CCP110: variants seen among roughly 807,000 people sequenced by gnomAD.
The protein encoded by CCP110 is centriolar coiled-coil protein 110.
A neutral mutation model predicts 105.5 loss-of-function variants in CCP110; 43 were observed. The observed-to-expected ratio is 0.41, with a 90% confidence interval of 0.32 to 0.53. CCP110 has a LOEUF of 0.53. Among genes scored for constraint, CCP110 ranks in the 20% least tolerant of loss-of-function variants. The pLI is 0.32. For missense variants in CCP110, 1,016 were observed against 1,189.1 expected (o/e 0.85, Z 2.14); for synonymous variants, 353 against 392.1 (o/e 0.90, Z 1.18).
At chr16:19,528,420 C>T (rs1355443153) in intron 2 of CCP110, among the ~76,000 whole-genome samples, 2 of 152,172 alleles carry the variant, frequency 1.3e-5, no homozygotes, top group Admixed American at 6.5e-5. Flanking sequence ...CAAAGGTTGA[C>T]GAACCACCTA....
exon 4 of CCP110, chr16:19,536,228 T>C (rs919849177): frequency 6.2e-7 from 1 of 1,614,044 alleles, no homozygotes; most frequent in South Asian, 1.1e-5. Flanking sequence ...AAATGAAGCT[T>C]TTCCAAAGAC....
intron 11 of CCP110, 179 bp from the exon 12 acceptor site, chr16:19,546,233 T>C (rs570517131): frequency 1.9e-6 from 1 of 527,350 alleles, no homozygotes; most frequent in African/African-American, 1.9e-5. Flanking sequence ...AATATCTTAA[T>C]AACTTTTTTA....
intron 10 of CCP110, among the ~76,000 whole-genome samples, chr16:19,545,515 G>C (rs1041218649): frequency 3.3e-5 from 5 of 151,990 alleles, no homozygotes; most frequent in Non-Finnish European, 7.4e-5. Context: ...TGTGGGTTTT[G>C]CTTTTTTTGA....
chr16:19,548,664 C>CT lies in CCP110; in HGVS notation c.2986+65dup. On this transcript the variant is annotated intron_variant, in intron 14 of 14. Transcript: ENST00000381396. The surrounding 1 kb of genome is among the most constrained non-coding windows in gnomAD (Gnocchi z 4.1). ...AGGAAGTGCACAAGCTGCCCCATAA[C>CT]TCAGGCCATAGAAGTGGAATAGATT... 1 of 1,016,048 alleles carries CT rather than the reference C, an allele frequency of 9.8e-7. No homozygotes were observed. 62.9% of individuals were successfully genotyped at this position (1,016,048 alleles called of 1,614,324 possible). A position where few individuals can be genotyped will look rare whatever the true frequency, so the allele number is the denominator to read the frequency against.
intron 7 of CCP110, 34 bp from the exon 8 acceptor site, chr16:19,542,844 C>T (rs1970335545): frequency 2.0e-6 from 3 of 1,524,888 alleles, no homozygotes; most frequent in Non-Finnish European, 2.7e-6. Flanking sequence ...TAAATGAACA[C>T]CAATAAACAT....
chr16:19,546,301 G>C, intron 11 of CCP110, 111 bp from the exon 12 acceptor site: 2 of 663,764 alleles, frequency 3.0e-6, no homozygotes, highest in Non-Finnish European at 5.2e-6. Context: ...TCTTCCAGTA[G>C]TACACCAGCT....
chr16:19,534,938 T>C (rs538128461), intron 3 of CCP110, among the ~76,000 whole-genome samples: 2 of 147,398 alleles, frequency 1.4e-5, no homozygotes, highest in South Asian at 4.3e-4. Flanking sequence ...CGGAGTGCAG[T>C]GACGTGATCT....
At chr16:19,532,713 G>A (rs1193455061) in intron 3 of CCP110, among the ~76,000 whole-genome samples, 169 bp downstream of exon 3, 1 of 152,184 alleles carries the variant, frequency 6.6e-6, no homozygotes, top group African/African-American at 2.4e-5. Context: ...CAAAGAGAAT[G>A]TACTTGCTTG....
At position 19,545,958 on chromosome 16, in the gene CCP110, T is replaced by G. The variant is rs901347313; in HGVS notation, c.2777+68T>G. On this transcript the variant is annotated intron_variant, in intron 11 of 14. Coordinates refer to ENST00000381396, the Ensembl canonical transcript of CCP110. The stretch of plus-strand genomic sequence containing the variant: ...AATTTTAGTCATCTGTTGGTCTATT[T>G]GCATATTTAAATTTAGAAATAAAGA... 14 of 868,390 alleles carry G rather than the reference T, an allele frequency of 1.6e-5. No individual in the cohort carries two copies. The Admixed American group carries it at 2.1e-4, about 13-fold the overall frequency. 53.8% of individuals were successfully genotyped at this position (868,390 alleles called of 1,614,324 possible).
In CCP110 at chr16:19,548,940, C is replaced by A. The variant is rs114314895; in HGVS notation, c.2986+340C>A. Among the ~76,000 whole-genome samples, 2,939 of 152,222 alleles carry A rather than the reference C, an allele frequency of 0.019. 101 individuals carry two copies. The highest frequency in any genetic ancestry group is 0.067 in the African/African-American group (2,801 of 41,532). The stretch of plus-strand genomic sequence containing the variant: ...GATCATCTCTGGTGCTAAGTCTGTG[C>A]ATTGTCTGTTCAGCTTGGGGAAGTG... On this transcript the variant is annotated intron_variant, in intron 14 of 14. Coordinates refer to ENST00000381396, the Ensembl canonical transcript of CCP110. This position sits in a 1 kb window ranked among gnomAD's most constrained non-coding sequence, Gnocchi z 4.1.
At chr16:19,550,982 C>T (rs1970619139) in intron 14 of CCP110, among the ~76,000 whole-genome samples, 1 of 152,316 alleles carries the variant, frequency 6.6e-6, no homozygotes, top group East Asian at 1.9e-4. Flanking sequence ...TTCCTTCTAG[C>T]TCTGTTCCTT....
intron 3 of CCP110, among the ~76,000 whole-genome samples, chr16:19,535,207 C>T (rs898569984): frequency 1.1e-4 from 16 of 152,138 alleles, no homozygotes; most frequent in Admixed American, 5.2e-4. Flanking sequence ...TGTCTGTATT[C>T]ATATGATAAT....
intron 3 of CCP110, among the ~76,000 whole-genome samples, chr16:19,533,887 G>C (rs1296428336): frequency 6.6e-6 from 1 of 152,152 alleles, no homozygotes; most frequent in African/African-American, 2.4e-5. Context: ...GTGTGACTCA[G>C]TTCCTAAGCT....
chr16:19,536,054 A>G (rs546964651), exon 4 of CCP110: 4 of 1,613,974 alleles, frequency 2.5e-6, no homozygotes, highest in Non-Finnish European at 3.4e-6. Flanking sequence ...TAGCTTTCCA[A>G]GCCATACGGA....
chr16:19,531,386 T>G (rs1969861513), intron 2 of CCP110, among the ~76,000 whole-genome samples: 1 of 152,234 alleles, frequency 6.6e-6, no homozygotes, highest in Non-Finnish European at 1.5e-5. Context: ...CGATAAGTCT[T>G]GACTGTTAAC....
chr16:19,532,096 T>C (rs868388657), intron 2 of CCP110, among the ~76,000 whole-genome samples: 2 of 152,240 alleles, frequency 1.3e-5, no homozygotes, highest in Non-Finnish European at 2.9e-5. Flanking sequence ...ATTTGATTAG[T>C]GAACAAACTT....
In CCP110 at chr16:19,532,310, T is replaced by G. The variant is rs1969897527; in HGVS notation, c.142-106T>G. 23 of 839,622 alleles carry G rather than the reference T, an allele frequency of 2.7e-5. 1 individual carries two copies. The South Asian group carries it at 4.0e-4, about 14-fold the overall frequency. The allele number at this position is 839,622 out of a possible 1,614,324, so 52.0% of individuals were successfully genotyped here. On this transcript the variant is annotated intron_variant, in intron 2 of 14. Transcript: ENST00000381396. ...TTGTTCTGATTTCTTTCACTATACA[T>G]TAGTTTTGCCTGTTGCACATGTTTT...
chr16:19,532,438 A>G, exon 3 of CCP110: 1 of 1,601,410 alleles, frequency 6.2e-7, no homozygotes, highest in Non-Finnish European at 8.5e-7. Flanking sequence ...AAAAGAAAGG[A>G]AATGCAACAA....
At chr16:19,542,580 T>C (rs1457400376) in intron 6 of CCP110, 41 bp from the exon 7 acceptor site, 1 of 1,444,960 alleles carries the variant, frequency 6.9e-7, no homozygotes, top group South Asian at 1.2e-5. Context: ...GTATTCTAAT[T>C]ATATGACATC....
Sources: gnomAD v4.1 joint callset for allele counts (sites outside exome capture counted in the v4.1 genomes callset) on GRCh38, gnomAD v4.1.1 for gene constraint, Gnocchi (gnomAD v3.1) non-coding constraint, MANE v1.5 for transcripts, NCBI Gene and HGNC (gene_info 2026-07-23, HGNC 2026-07-21) for gene names.